Variants in MARCHF2 observed in about 807,000 individuals in gnomAD.
The protein encoded by MARCHF2 is E3 ubiquitin-protein ligase MARCHF2.
A neutral mutation model predicts 24.0 loss-of-function variants in MARCHF2; 22 were observed. The ratio of observed to expected loss-of-function variants is 0.92; its 90% CI spans 0.66 to 1.31. The LOEUF is 1.31. Ranked by LOEUF, MARCHF2 falls within the 50% of genes most tolerant of loss-of-function variation. The pLI is 0.00. For missense variants in MARCHF2, 301 were observed against 335.3 expected, an observed-to-expected ratio of 0.90 and a Z score of 0.80; for synonymous variants, 154 against 153.0, an observed-to-expected ratio of 1.01 and a Z score of -0.05.
Position 8,430,997 on chromosome 19 carries a change from G to C in MARCHF2, c.582+130G>C. 1.2e-6 allele frequency: 1 copy of C among 860,848 alleles called. No individual in the cohort carries two copies. Among genetic ancestry groups the C allele is most frequent in the Non-Finnish European group, 1.8e-6 (1 of 568,548 alleles). 53.3% of individuals were successfully genotyped at this position (860,848 alleles called of 1,614,324 possible). ...CCTCTGTCTATGGCCGTGGGTGGAA[G>C]AGAGCTTCTGAGGTCACCCTGCCTC... On this transcript the variant is annotated intron_variant, in intron 4 of 4. Coordinates refer to ENST00000215555, the MANE Select transcript of MARCHF2 (RefSeq NM_001005415.2). The surrounding 1 kb of genome is among the most constrained non-coding windows in gnomAD (Gnocchi z 4.4).
intron 4 of MARCHF2, 161 bp downstream of exon 4, chr19:8,431,028 G>A: frequency 1.5e-6 from 1 of 682,220 alleles, no homozygotes; most frequent in Admixed American, 2.9e-5. Context: ...GCCTCTCCAG[G>A]AGCTTGAGAT....
At chr19:8,415,735 C>CAAAAAAAAAA (rs1230223487) in intron 1 of MARCHF2, among the ~76,000 whole-genome samples, 1 of 96,730 alleles carries the variant, frequency 1.0e-5, no homozygotes, top group Non-Finnish European at 2.1e-5. Flanking sequence ...AAAAAAAAAA[C>CAAAAAAAAAA]AAAAAAAACA....
chr19:8,420,535 C>CAA (rs767779814), intron 1 of MARCHF2, among the ~76,000 whole-genome samples: 93 of 66,774 alleles, frequency 1.4e-3, no homozygotes, highest in African/African-American at 3.6e-3. Flanking sequence ...AACTCTGTCT[C>CAA]AAAAAAAAAA....
At chr19:8,426,578 C>G (rs1223263402) in intron 2 of MARCHF2, 31 bp from the exon 3 acceptor site, 1 of 1,593,954 alleles carries the variant, frequency 6.3e-7, no homozygotes, top group African/African-American at 1.3e-5. Context: ...AAAGCCCAAT[C>G]ATTGCTCATG....
At chr19:8,435,830 G>GTGTA (rs1302491381) in intron 4 of MARCHF2, among the ~76,000 whole-genome samples, 2 of 49,714 alleles carry the variant, frequency 4.0e-5, no homozygotes, top group Non-Finnish European at 7.6e-5. Context: ...CACCTGGCCT[G>GTGTA]TGTGTGTGTG....
chr19:8,431,360 G>T (rs1967577951), intron 4 of MARCHF2, among the ~76,000 whole-genome samples: 1 of 151,726 alleles, frequency 6.6e-6, no homozygotes, highest in African/African-American at 2.4e-5. Flanking sequence ...AACCAGGTGT[G>T]GTGGCACATG....
chr19:8,431,497 C>CAA (rs60782968), intron 4 of MARCHF2, among the ~76,000 whole-genome samples: 28,047 of 57,414 alleles, frequency 0.49, 5,785 homozygotes, highest in Admixed American at 0.55. Flanking sequence ...AACTCGATCT[C>CAA]AAAAAAAAAA....
At chr19:8,419,184 A>C (rs1323138226) in intron 1 of MARCHF2, among the ~76,000 whole-genome samples, 2 of 151,902 alleles carry the variant, frequency 1.3e-5, no homozygotes, top group African/African-American at 4.8e-5. Context: ...AACATGGTGA[A>C]ACCCCATCTC....
At chr19:8,414,760 C>T (rs891171860) in intron 1 of MARCHF2, among the ~76,000 whole-genome samples, 2 of 152,132 alleles carry the variant, frequency 1.3e-5, no homozygotes, top group Non-Finnish European at 2.9e-5. Flanking sequence ...CTAAACAAGC[C>T]TAGCTAAGGG....
intron 2 of MARCHF2, 66 bp downstream of exon 2, chr19:8,422,082 T>A: frequency 6.6e-7 from 1 of 1,512,858 alleles, no homozygotes; most frequent in Non-Finnish European, 8.9e-7. Context: ...AGTGAGTTTC[T>A]CCCAGCCTGG....
intron 4 of MARCHF2, among the ~76,000 whole-genome samples, chr19:8,437,868 C>T (rs1967772783): frequency 6.6e-6 from 1 of 152,032 alleles, no homozygotes; most frequent in Admixed American, 6.6e-5. Flanking sequence ...CCTCAGCCTC[C>T]CAAGTAGCTG....
intron 4 of MARCHF2, among the ~76,000 whole-genome samples, chr19:8,432,031 G>A (rs982889868): frequency 1.4e-4 from 21 of 151,932 alleles, no homozygotes; most frequent in Admixed American, 4.6e-4. Context: ...GGTGGCATGT[G>A]CCTGTCATCC....
chr19:8,425,379 A>C (rs1362674136), intron 2 of MARCHF2, among the ~76,000 whole-genome samples: 2 of 151,150 alleles, frequency 1.3e-5, no homozygotes, highest in Admixed American at 1.3e-4. Flanking sequence ...CAGCCTGATG[A>C]CAGAGCGAGA....
At chr19:8,424,188 CCA>C (rs1967333106) in intron 2 of MARCHF2, among the ~76,000 whole-genome samples, 1 of 152,112 alleles carries the variant, frequency 6.6e-6, no homozygotes, top group Non-Finnish European at 1.5e-5. Context: ...CCCGGCATCC[CCA>C]GAGACTGGGC....
chr19:8,438,424 T>C lies in MARCHF2; in HGVS notation c.619T>C (p.Trp207Arg). 6.2e-7 allele frequency: 1 copy of C among 1,613,828 alleles called. No homozygotes were observed. The highest frequency in any genetic ancestry group is 8.5e-7 in the Non-Finnish European group (1 of 1,179,978). Residue 207 changes from tryptophan (W) to arginine (R), a missense_variant, in exon 5 of 5, where the codon TGG becomes CGG. By Grantham distance (101) the Trp-to-Arg change is moderately radical. Transcript: ENST00000215555. ...CTACCACTGCCAGCTGTACTCCGAG[T>C]GGAGAAAGACCAACCAGAAAGTTCG... Reference protein sequence around the residue: ...FRYHCQLYSEWRKTNQKVRLK... With the variant: ...FRYHCQLYSERRKTNQKVRLK...
At chr19:8,422,995 G>A (rs1265829377) in intron 2 of MARCHF2, among the ~76,000 whole-genome samples, 1 of 115,468 alleles carries the variant, frequency 8.7e-6, no homozygotes, top group African/African-American at 3.5e-5. Flanking sequence ...GAGCCACCGC[G>A]CCTGGCCGTG....
At chr19:8,428,167 G>A (rs2145558616) in intron 3 of MARCHF2, among the ~76,000 whole-genome samples, 1 of 152,324 alleles carries the variant, frequency 6.6e-6, no homozygotes, top group East Asian at 1.9e-4. Flanking sequence ...GGCTGAGGCA[G>A]GAGAATGGCC....
intron 4 of MARCHF2, among the ~76,000 whole-genome samples, chr19:8,431,433 G>A (rs1967580098): frequency 7.6e-6 from 1 of 130,930 alleles, no homozygotes; most frequent in Non-Finnish European, 1.5e-5. Flanking sequence ...GGAGGCGGAG[G>A]TTGCAGTAAG....
intron 3 of MARCHF2, among the ~76,000 whole-genome samples, chr19:8,429,867 G>A (rs541438868): frequency 3.0e-4 from 43 of 145,418 alleles, no homozygotes; most frequent in African/African-American, 1.0e-3. Flanking sequence ...AAGGCCAAGC[G>A]TAGTAGATTA....
Sources: gnomAD v4.1 joint callset for allele counts (sites outside exome capture counted in the v4.1 genomes callset) on GRCh38, gnomAD v4.1.1 for gene constraint, Gnocchi (gnomAD v3.1) non-coding constraint, MANE v1.5 for transcripts, NCBI Gene and HGNC (gene_info 2026-07-23, HGNC 2026-07-21) for gene names.